The following ADAD1 variants were observed in gnomAD, a reference collection of about 807,000 sequenced individuals.
ADAD1 encodes adenosine deaminase domain-containing protein 1.
Under a neutral mutation model 66.8 loss-of-function variants are expected in ADAD1, and 46 were observed. That is an observed-to-expected ratio of 0.69 (90% CI 0.54 to 0.88). The LOEUF (loss-of-function observed/expected upper bound fraction) is 0.88, where lower values mean the gene tolerates loss of function less well. Among genes scored for constraint, ADAD1 ranks in the 40% least tolerant of loss-of-function variants. The pLI is 0.00. For missense variants in ADAD1, 617 were observed against 681.8 expected, an observed-to-expected ratio of 0.91 and a Z score of 1.06; for synonymous variants, 248 against 229.4, an observed-to-expected ratio of 1.08 and a Z score of -0.73.
chr4:122,383,997 A>G, intron 5 of ADAD1, 31 bp downstream of exon 5: 1 of 1,527,650 alleles, frequency 6.5e-7, no homozygotes, highest in East Asian at 2.3e-5. Context: ...AGTATTTATA[A>G]GAGGTATCAT....
intron 8 of ADAD1, among the ~76,000 whole-genome samples, chr4:122,408,835 A>G (rs552577266): frequency 4.6e-5 from 7 of 151,924 alleles, no homozygotes; most frequent in African/African-American, 1.4e-4. Flanking sequence ...GTGAACCAAG[A>G]CTGCTCCACT....
In ADAD1 at chr4:122,383,976, C is replaced by T. The variant is rs1224896819; in HGVS notation, c.529+10C>T. The stretch of plus-strand genomic sequence containing the variant: ...ATTTTAGAAACATCAGGTAAATACT[C>T]TTGATTATAAAGTATTTATAAGAGG... On this transcript the variant is annotated intron_variant, in intron 5 of 12. Transcript: ENST00000296513. The T allele has an allele frequency of 2.5e-6, 4 of 1,591,498 alleles. No homozygotes were observed. The highest frequency in any genetic ancestry group is 3.4e-6 in the Non-Finnish European group (4 of 1,168,822).
At chr4:122,411,174 A>G (rs562545888) in intron 8 of ADAD1, 48 bp from the exon 9 acceptor site, 3 of 1,415,044 alleles carry the variant, frequency 2.1e-6, no homozygotes, top group Non-Finnish European at 2.9e-6. Flanking sequence ...ATTAAGATAT[A>G]TCTTTTATAA....
At chr4:122,412,502 A>G (rs1049192720) in intron 9 of ADAD1, 78 bp from the exon 10 acceptor site, 5 of 1,178,632 alleles carry the variant, frequency 4.2e-6, no homozygotes, top group Non-Finnish European at 6.1e-6. Flanking sequence ...CATGTTACAG[A>G]ACAGCTGTTA....
chr4:122,415,545 G>T lies in ADAD1; in HGVS notation c.1416G>T (p.Leu472=). ...AAATGAACTTGGAATATAAATTTCT[G>T]AGTCTGAATTGGGCACAAGGAGATG... ...PLQMNLEYKF[L]SLNWAQGDVS... The change falls in exon 11 of 13, where the codon CTG becomes CTT. Residue 472 remains leucine (L), a synonymous_variant. Transcript: ENST00000296513. 6.2e-7 allele frequency: 1 copy of T among 1,613,916 alleles called. No individual in the cohort carries two copies.
At chr4:122,382,663 C>G (rs1327253870) in intron 4 of ADAD1, among the ~76,000 whole-genome samples, 1 of 152,092 alleles carries the variant, frequency 6.6e-6, no homozygotes, top group Non-Finnish European at 1.5e-5. Flanking sequence ...AAGAGATCCT[C>G]CAACCTCAGC....
chr4:122,414,249 TTC>T (rs1796611549), intron 10 of ADAD1, among the ~76,000 whole-genome samples: 1 of 136,326 alleles, frequency 7.3e-6, no homozygotes, highest in Non-Finnish European at 1.6e-5. Flanking sequence ...TTTTTTTTTC[TTC>T]CTTTTTCCAA....
chr4:122,392,362 A>G (rs1795490848), intron 5 of ADAD1, among the ~76,000 whole-genome samples: 1 of 152,192 alleles, frequency 6.6e-6, no homozygotes, highest in African/African-American at 2.4e-5. Context: ...GTGGACTACT[A>G]TGCAGCCATT....
At chr4:122,404,454 A>G (rs1030230272) in intron 7 of ADAD1, among the ~76,000 whole-genome samples, 3 of 151,890 alleles carry the variant, frequency 2.0e-5, no homozygotes, top group African/African-American at 7.3e-5. Flanking sequence ...TGTGATCTGG[A>G]TTTTTAGGTT....
At chr4:122,393,936 C>T (rs766671220) in intron 6 of ADAD1, among the ~76,000 whole-genome samples, 5 of 151,976 alleles carry the variant, frequency 3.3e-5, no homozygotes, top group African/African-American at 1.2e-4. Flanking sequence ...CTTTGGTGGG[C>T]TTGTCATGAA....
chr4:122,408,598 C>CTG (rs1264514903), intron 8 of ADAD1, among the ~76,000 whole-genome samples: 2 of 152,088 alleles, frequency 1.3e-5, no homozygotes, highest in African/African-American at 4.8e-5. Context: ...AAGAATCCTG[C>CTG]AATCAGCTGG....
rs1285531796 is a variant in ADAD1 at position 122,412,631 on chromosome 4, T to C, written c.1071T>C (p.Cys357=). ...CATTTGAAGCCAATGAAGAACTCTG[T>C]CTCCACGTGGCTGTTGAAGGCAAAA... is the stretch of plus-strand genomic sequence containing the variant. ...ISAFEANEEL[C]LHVAVEGKIY... is the part of the protein sequence containing the mutation. Residue 357 remains cysteine, a synonymous_variant, in exon 10 of 13, where the codon TGT becomes TGC. Transcript: ENST00000296513. 3 of 1,613,754 alleles carry C rather than the reference T, an allele frequency of 1.9e-6. No homozygotes were observed. The highest frequency in any genetic ancestry group is 2.5e-6 in the Non-Finnish European group (3 of 1,179,790).
At chr4:122,395,595 C>T (rs182458687) in intron 6 of ADAD1, among the ~76,000 whole-genome samples, 9 of 151,732 alleles carry the variant, frequency 5.9e-5, no homozygotes, top group East Asian at 5.9e-4. Context: ...ACAGAAGAAT[C>T]GCTTGAACCC....
chr4:122,399,065 T>C (rs551273781), intron 7 of ADAD1, among the ~76,000 whole-genome samples: 6 of 152,308 alleles, frequency 3.9e-5, no homozygotes, highest in Non-Finnish European at 7.4e-5. Context: ...TAGAAGAGTT[T>C]TTCCAATGTT....
At chr4:122,422,317 G>T (rs1276023899) in intron 12 of ADAD1, among the ~76,000 whole-genome samples, 1 of 151,910 alleles carries the variant, frequency 6.6e-6, no homozygotes, top group East Asian at 1.9e-4. Context: ...TAGAGACGGG[G>T]TTTCGCCATG....
intron 6 of ADAD1, among the ~76,000 whole-genome samples, chr4:122,393,900 TCATA>T (rs1795574029): frequency 1.3e-5 from 2 of 152,346 alleles, no homozygotes; most frequent in Non-Finnish European, 1.5e-5. Context: ...TTTATCAATT[TCATA>T]CATCTTTTTT....
chr4:122,385,732 C>T (rs2150533029), intron 5 of ADAD1, among the ~76,000 whole-genome samples: 1 of 152,224 alleles, frequency 6.6e-6, no homozygotes, highest in African/African-American at 2.4e-5. Flanking sequence ...TGTGTTGTTC[C>T]CCTCTCTGTG....
At chr4:122,384,024 C>T in intron 5 of ADAD1, 58 bp downstream of exon 5, 2 of 1,413,452 alleles carry the variant, frequency 1.4e-6, no homozygotes, top group Non-Finnish European at 1.9e-6. Context: ...AAAGGAATCA[C>T]CTGAAAGATT....
Position 122,429,748 on chromosome 4 carries a change from A to G in ADAD1, c.*9A>G. The G allele has an allele frequency of 6.5e-7, 1 of 1,534,662 alleles. No homozygotes were observed. ...AGCAATTTAACATGTGAAATAGGCA[A>G]TCCATTATCACATTAAAAATCTTGT... On this transcript the variant is annotated 3_prime_UTR_variant, in exon 13 of 13. Transcript: ENST00000296513.
Sources: gnomAD v4.1 joint callset for allele counts (sites outside exome capture counted in the v4.1 genomes callset) on GRCh38, gnomAD v4.1.1 for gene constraint, MANE v1.5 for transcripts, NCBI Gene and HGNC (gene_info 2026-07-23, HGNC 2026-07-21) for gene names.